Variants in NFIB observed in about 807,000 individuals in gnomAD.
NFIB encodes nuclear factor I B.
NFIB carries 11 observed loss-of-function variants against 61.5 expected under a neutral mutation model. That is an observed-to-expected ratio of 0.18 (90% CI 0.11 to 0.30). The LOEUF is 0.30. Among genes scored for constraint, NFIB ranks in the 10% least tolerant of loss-of-function variants. The pLI is 1.00. For synonymous variants in NFIB, 260 were observed against 216.5 expected, an observed-to-expected ratio of 1.20 and a Z score of -1.76; for missense variants, 471 against 608.9, an observed-to-expected ratio of 0.77 and a Z score of 2.38.
At chr9:14,168,092 G>A (rs766278709) in intron 3 of NFIB, among the ~76,000 whole-genome samples, 5 of 152,162 alleles carry the variant, frequency 3.3e-5, no homozygotes, top group Non-Finnish European at 7.4e-5. Context: ...GGGCATAAGA[G>A]GATCACTGTA....
the NFIB span, among the ~76,000 whole-genome samples, chr9:14,482,468 T>C: frequency 1.3e-5 from 2 of 152,180 alleles, no homozygotes; most frequent in Non-Finnish European, 2.9e-5. Flanking sequence ...CTCACCATGT[T>C]CTTAGGAAGA....
intron 2 of NFIB, among the ~76,000 whole-genome samples, chr9:14,221,401 C>T (rs184939346): frequency 3.8e-4 from 58 of 152,294 alleles, no homozygotes; most frequent in African/African-American, 1.3e-3. Flanking sequence ...TTGTAATACG[C>T]AGCTAGATTT....
chr9:14,100,076 TA>T (rs1196737577), intron 10 of NFIB, among the ~76,000 whole-genome samples: 1 of 151,452 alleles, frequency 6.6e-6, no homozygotes, highest in East Asian at 2.0e-4. Flanking sequence ...ATCTAAAAAA[TA>T]AAAAACAAAA....
intron 2 of NFIB, among the ~76,000 whole-genome samples, chr9:14,295,517 G>GCTACT (rs1449971937): frequency 2.6e-5 from 4 of 151,970 alleles, no homozygotes; most frequent in Admixed American, 1.3e-4. Flanking sequence ...TGTAGTCCCA[G>GCTACT]CTACTCGGCA....
chr9:14,456,540 T>C, the NFIB span, among the ~76,000 whole-genome samples: 1 of 152,134 alleles, frequency 6.6e-6, no homozygotes, highest in Non-Finnish European at 1.5e-5. Flanking sequence ...TATCAACACA[T>C]AGTTCAAAGG....
At chr9:14,450,653 C>A in the NFIB span, among the ~76,000 whole-genome samples, 2 of 152,152 alleles carry the variant, frequency 1.3e-5, no homozygotes, top group African/African-American at 4.8e-5. Context: ...CACCCCTCCC[C>A]CCGCACCACA....
intron 1 of NFIB, among the ~76,000 whole-genome samples, chr9:14,372,065 C>T (rs2061364151): frequency 6.6e-6 from 1 of 151,884 alleles, no homozygotes; most frequent in Non-Finnish European, 1.5e-5. Flanking sequence ...TAAGGACCAT[C>T]CCAATCTCAG....
chr9:14,296,940 T>C (rs1358521529), intron 2 of NFIB, among the ~76,000 whole-genome samples: 2 of 152,222 alleles, frequency 1.3e-5, no homozygotes, highest in Non-Finnish European at 1.5e-5. Flanking sequence ...CTTAAGTAAT[T>C]CCTGCAAGAT....
upstream of NFIB, chr9:14,317,156 GCTA>G (rs1274058287): frequency 2.0e-5 from 3 of 152,116 alleles, no homozygotes; most frequent in African/African-American, 7.2e-5. Context: ...TCCCGACATC[GCTA>G]CCCCTCCTCC....
intron 10 of NFIB, among the ~76,000 whole-genome samples, chr9:14,099,855 T>G (rs958072041): frequency 6.6e-6 from 1 of 152,058 alleles, no homozygotes; most frequent in Non-Finnish European, 1.5e-5. Context: ...AGCAGATCAC[T>G]TAAGTCAGGA....
intron 1 of NFIB, among the ~76,000 whole-genome samples, chr9:14,392,811 G>A (rs911422043): frequency 4.6e-5 from 7 of 152,256 alleles, no homozygotes; most frequent in Admixed American, 2.0e-4. Context: ...TTAGCACAGC[G>A]TTTGGCACAT....
chr9:14,155,095 G>C (rs1262748704), intron 4 of NFIB, among the ~76,000 whole-genome samples: 1 of 152,166 alleles, frequency 6.6e-6, no homozygotes. Flanking sequence ...AGCTAAATCA[G>C]TGAAGGGAGT....
intron 10 of NFIB, among the ~76,000 whole-genome samples, chr9:14,091,294 T>C (rs2033866461): frequency 6.6e-6 from 1 of 151,860 alleles, no homozygotes; most frequent in Non-Finnish European, 1.5e-5. Context: ...ATGACTGAGA[T>C]AACAATGTAA....
At chr9:14,493,314 T>G in the NFIB span, among the ~76,000 whole-genome samples, 4 of 152,308 alleles carry the variant, frequency 2.6e-5, no homozygotes, top group South Asian at 8.3e-4. Flanking sequence ...AGTTATAAAT[T>G]CTGAGTTTTT....
intron 2 of NFIB, among the ~76,000 whole-genome samples, chr9:14,187,043 G>A (rs55961666): frequency 0.61 from 86,009 of 141,296 alleles, 28,995 homozygotes; most frequent in Non-Finnish European, 0.77. Context: ...GTGTGTGTGT[G>A]TGTGTGTGTG....
the NFIB span, among the ~76,000 whole-genome samples, chr9:14,489,482 T>C: frequency 6.6e-6 from 1 of 152,182 alleles, no homozygotes; most frequent in Admixed American, 6.5e-5. Context: ...TCTATCTTTG[T>C]ATTCACTCAT....
In NFIB at chr9:14,229,504, T is replaced by C. The variant is rs565120592; in HGVS notation, c.563-49724A>G. 5.9e-5 allele frequency among the ~76,000 whole-genome samples: 9 copies of C among 152,312 alleles called. No homozygotes were observed. In the South Asian group the frequency reaches 1.9e-3, roughly 32 times the overall value. On this transcript the variant is annotated intron_variant, in intron 2 of 10. Transcript: ENST00000380953. Reference sequence around the variant, plus strand: ...ATTAAAAAGGCCTGGCTCCTAAATATAAACTGGAGATAAAATAATGCCTTA... The same window carrying C: ...ATTAAAAAGGCCTGGCTCCTAAATACAAACTGGAGATAAAATAATGCCTTA...
chr9:14,083,326 C>G lies in NFIB; in HGVS notation c.*4983G>C, dbSNP rs746816362. 8.4e-5 allele frequency: 19 copies of G among 226,460 alleles called. No homozygotes were observed. Among genetic ancestry groups the G allele is most frequent in the Non-Finnish European group, 1.3e-4 (15 of 113,604 alleles). 14.0% of individuals were successfully genotyped at this position (226,460 alleles called of 1,614,324 possible). A position where few individuals can be genotyped will look rare whatever the true frequency, so the allele number is the denominator to read the frequency against. The stretch of plus-strand genomic sequence containing the variant: ...TCCATGTTACCCCCCAACTGCAGGG[C>G]TCCACTCCACCCACACAATTTTAGG... On this transcript the variant is annotated 3_prime_UTR_variant, in exon 11 of 11. Transcript: ENST00000380953.
chr9:14,194,789 A>C (rs2048305534), intron 2 of NFIB, among the ~76,000 whole-genome samples: 2 of 152,116 alleles, frequency 1.3e-5, no homozygotes, highest in African/African-American at 4.8e-5. Flanking sequence ...GCAAAGAACT[A>C]AGCTCCACCT....
Sources: allele counts gnomAD v4.1 joint callset (sites outside exome capture counted in the v4.1 genomes callset), GRCh38; gene constraint gnomAD v4.1.1; transcripts MANE v1.5; gene names NCBI Gene and HGNC (gene_info 2026-07-23, HGNC 2026-07-21).